The following CDON variants were observed in gnomAD, a reference collection of about 807,000 sequenced individuals.
The protein encoded by CDON is cell adhesion associated, oncogene regulated.
CDON carries 73 observed loss-of-function variants against 120.9 expected under a neutral mutation model. That is an observed-to-expected ratio of 0.60 (90% CI 0.50 to 0.73). The LOEUF (loss-of-function observed/expected upper bound fraction) is 0.73, where lower values mean the gene tolerates loss of function less well. Among genes scored for constraint, CDON ranks in the 30% least tolerant of loss-of-function variants. CDON has a pLI of 0.00. For missense variants in CDON, 1,470 were observed against 1,587.3 expected (o/e 0.93, Z 1.26); for synonymous variants, 566 against 573.5 (o/e 0.99, Z 0.19).
intron 8 of CDON, among the ~76,000 whole-genome samples, chr11:126,008,944 A>G (rs1396649171): frequency 6.6e-6 from 1 of 152,238 alleles, no homozygotes; most frequent in Admixed American, 6.5e-5. Flanking sequence ...CTTAGTATCA[A>G]TGGAGGGCTT....
At chr11:125,988,999 A>G (rs983250538) in intron 15 of CDON, among the ~76,000 whole-genome samples, 9 of 152,158 alleles carry the variant, frequency 5.9e-5, no homozygotes, top group Non-Finnish European at 1.3e-4. Context: ...GGAAGGGTTC[A>G]TGACCAGCCT....
intron 15 of CDON, among the ~76,000 whole-genome samples, chr11:125,989,049 T>A (rs1328734685): frequency 6.6e-6 from 1 of 151,506 alleles, no homozygotes; most frequent in Non-Finnish European, 1.5e-5. Context: ...AAAAATAAAA[T>A]AAAATAAAAA....
chr11:125,958,009 G>A lies in CDON; in HGVS notation c.*2933C>T, dbSNP rs577809378. On this transcript the variant is annotated 3_prime_UTR_variant, in exon 20 of 20. Transcript: ENST00000531738. ...GAGCACAGTAAAGATCAAATTTCCA[G>A]GTGGAGGTGGTAGACAGGGGGCGTC... 6.6e-5 allele frequency: 10 copies of A among 152,356 alleles called. No homozygotes were observed. The East Asian group carries it at 1.7e-3, about 27-fold the overall frequency. The allele number at this position is 152,356 out of a possible 1,614,324, so 9.4% of individuals were successfully genotyped here.
intron 1 of CDON, among the ~76,000 whole-genome samples, chr11:126,052,162 A>G (rs1439815869): frequency 6.6e-6 from 1 of 152,236 alleles, no homozygotes; most frequent in African/African-American, 2.4e-5. Context: ...AAATTATACA[A>G]AAGACCTACA....
At chr11:126,027,460 C>T (rs1947822036) in intron 1 of CDON, among the ~76,000 whole-genome samples, 1 of 152,062 alleles carries the variant, frequency 6.6e-6, no homozygotes, top group African/African-American at 2.4e-5. Context: ...GGTTATTTAA[C>T]TAGTAAGTTA....
intron 1 of CDON, among the ~76,000 whole-genome samples, chr11:126,033,248 G>T (rs1409082125): frequency 6.6e-6 from 1 of 152,170 alleles, no homozygotes; most frequent in Non-Finnish European, 1.5e-5. Flanking sequence ...GTTTGAGGTG[G>T]TAGAGGGAAT....
rs565998841 is a variant in CDON, at chr11:126,042,448, C to T, written c.-61-18911G>A. 5.9e-5 allele frequency among the ~76,000 whole-genome samples: 9 copies of T among 152,246 alleles called. No individual in the cohort carries two copies. The South Asian group carries it at 1.2e-3, about 21-fold the overall frequency. ...ATTCTGATAATCTAATCCACCCCAG[C>T]CTCTTTCTTCCACAAAGCAGACAAG... On this transcript the variant is annotated intron_variant, in intron 1 of 19. Transcript: ENST00000531738.
At chr11:126,018,662 G>A (rs1947541232) in intron 4 of CDON, among the ~76,000 whole-genome samples, 189 bp from the exon 5 acceptor site, 1 of 152,030 alleles carries the variant, frequency 6.6e-6, no homozygotes, top group Non-Finnish European at 1.5e-5. Flanking sequence ...TGGAACTCCT[G>A]GACTCAAGCG....
chr11:126,019,110 A>C (rs1034107790), intron 4 of CDON, among the ~76,000 whole-genome samples: 1 of 151,796 alleles, frequency 6.6e-6, no homozygotes, highest in Non-Finnish European at 1.5e-5. Context: ...CTAGTCATTC[A>C]TTTTTTTTCC....
Position 126,034,660 on chromosome 11 carries a change from G to A in CDON, c.-61-11123C>T, listed in dbSNP as rs115987120. Among the ~76,000 whole-genome samples the A allele has an allele frequency of 9.9e-3, 1,504 of 152,284 alleles. 29 individuals carry two copies. The highest frequency in any genetic ancestry group is 0.035 in the African/African-American group (1,440 of 41,550). ...CCTGGCATCCACAGTGGGTTGTACA[G>A]GAGCATTATAAATATTTAAAAGCAT... is the stretch of plus-strand genomic sequence containing the variant. On this transcript the variant is annotated intron_variant, in intron 1 of 19. Transcript: ENST00000531738. This position sits in a 1 kb window ranked among gnomAD's most constrained non-coding sequence, Gnocchi z 4.5.
chr11:125,994,457 CTTT>C, intron 13 of CDON, 68 bp from the exon 14 acceptor site: 1 of 866,234 alleles, frequency 1.2e-6, no homozygotes. Context: ...ATTAAGGTTT[CTTT>C]ATCTACTTGG....
rs1200204335 is a variant in CDON, at chr11:126,016,789, T to A, written c.928+299A>T. On this transcript the variant is annotated intron_variant, in intron 6 of 19. Coordinates refer to ENST00000531738, the MANE Select transcript of CDON (RefSeq NM_001378964.1). Reference sequence around the variant, plus strand: ...CTACACACAGATATAGGCTAGATTCTTCCATTCTCCTGATTTCCAGTTTTT... The same window carrying A: ...CTACACACAGATATAGGCTAGATTCATCCATTCTCCTGATTTCCAGTTTTT... 3.3e-5 allele frequency among the ~76,000 whole-genome samples: 5 copies of A among 152,162 alleles called. 1 individual carries two copies. The highest frequency in any genetic ancestry group is 1.2e-4 in the African/African-American group (5 of 41,426).
At chr11:126,057,250 A>G (rs900146323) in intron 1 of CDON, among the ~76,000 whole-genome samples, 9 of 152,154 alleles carry the variant, frequency 5.9e-5, no homozygotes, top group African/African-American at 1.9e-4. Context: ...TTTTTCCCCC[A>G]AAGACTGTGT....
Position 125,995,057 on chromosome 11 carries a change from G to A in CDON, c.2363-5C>T. 1.9e-6 allele frequency: 3 copies of A among 1,610,926 alleles called. No homozygotes were observed. The highest frequency in any genetic ancestry group is 1.1e-5 in the South Asian group (1 of 90,898). On this transcript the variant is annotated splice_region_variant and splice_polypyrimidine_tract_variant and intron_variant, in intron 12 of 19. Transcript: ENST00000531738. ...CCCTAAATTTGTATGTTGAACCTTTGAGGGAAAACAAAAACAAACAAACAA... is the reference window on the plus strand; with the variant it reads ...CCCTAAATTTGTATGTTGAACCTTTAAGGGAAAACAAAAACAAACAAACAA...
intron 13 of CDON, 57 bp downstream of exon 13, chr11:125,994,814 A>C: frequency 6.9e-7 from 1 of 1,456,644 alleles, no homozygotes; most frequent in South Asian, 1.2e-5. Flanking sequence ...GAGAATATTA[A>C]ATTGATTGTT....
chr11:125,980,930 T>C (rs914986735), intron 17 of CDON, 119 bp downstream of exon 17: 3 of 1,001,236 alleles, frequency 3.0e-6, no homozygotes, highest in Non-Finnish European at 4.7e-6. Context: ...TCCATGCTGT[T>C]TCCATTCGAG....
intron 15 of CDON, among the ~76,000 whole-genome samples, chr11:125,988,969 A>G (rs911549358): frequency 2.0e-5 from 3 of 152,180 alleles, no homozygotes; most frequent in Admixed American, 6.5e-5. Context: ...AATATTTCTA[A>G]TATCTTTGTA....
In CDON at chr11:125,989,547, A is replaced by G. The variant is rs1946568026; in HGVS notation, c.2773+90T>C. 7 of 1,329,302 alleles carry G rather than the reference A, an allele frequency of 5.3e-6. No individual in the cohort carries two copies. The Admixed American group carries it at 1.2e-4, about 23-fold the overall frequency. 82.3% of individuals were successfully genotyped at this position (1,329,302 alleles called of 1,614,324 possible). A position where few individuals can be genotyped will look rare whatever the true frequency, so the allele number is the denominator to read the frequency against. ...TGAGACCGTGTCTCAAAACAAGACA[A>G]AACAAAACCCAGAATATATCAGTAG... On this transcript the variant is annotated intron_variant, in intron 15 of 19. Transcript: ENST00000531738.
chr11:126,045,597 TATAA>T (rs1225873243), intron 1 of CDON, among the ~76,000 whole-genome samples: 25 of 152,182 alleles, frequency 1.6e-4, no homozygotes, highest in Admixed American at 1.6e-3. Flanking sequence ...TAGTTTATTT[TATAA>T]ATAATTATAT....
Sources: gnomAD v4.1 joint callset for allele counts (sites outside exome capture counted in the v4.1 genomes callset) on GRCh38, gnomAD v4.1.1 for gene constraint, Gnocchi (gnomAD v3.1) non-coding constraint, MANE v1.5 for transcripts, NCBI Gene and HGNC (gene_info 2026-07-23, HGNC 2026-07-21) for gene names.